ZGRF1: variants seen among roughly 807,000 people sequenced by gnomAD.
ZGRF1 encodes the protein zinc finger GRF-type containing 1, also known as 5'-3' DNA helicase ZGRF1.
In ZGRF1, 196 loss-of-function variants were observed where a neutral mutation model predicts 203.5. The ratio of observed to expected loss-of-function variants is 0.96; its 90% CI spans 0.86 to 1.08. ZGRF1 has a LOEUF of 1.08. ZGRF1 is among the 50% of genes least tolerant of loss of function. The probability of loss-of-function intolerance (pLI) is 0.00; values close to 1 mark genes in which losing one functional copy is unlikely to be tolerated. For synonymous variants in ZGRF1, 809 were observed against 841.3 expected (o/e 0.96, Z 0.66); for missense variants, 2,326 against 2,416.3 (o/e 0.96, Z 0.78).
intron 3 of ZGRF1, chr4:112,624,112 C>T (rs913308399): frequency 5.7e-5 from 18 of 313,164 alleles, no homozygotes; most frequent in African/African-American, 3.8e-4. Context: ...TCCCCTTCCA[C>T]GCTGTGGAAG....
chr4:112,548,321 T>C lies in ZGRF1; in HGVS notation c.5406A>G (p.Lys1802=), dbSNP rs1339130683. ...ACTCATCCAGCACAACTACAGGAAA[T>C]TTAAGATCATTCATGCATGGGAATG... ...ACPFPCMNDL[K]FPVVVLDECS... Residue 1802 remains lysine, a synonymous_variant, in exon 23 of 28, where the codon AAA becomes AAG. Coordinates refer to ENST00000505019, the MANE Select transcript of ZGRF1 (RefSeq NM_018392.5). The C allele has an allele frequency of 6.4e-7, 1 of 1,553,870 alleles. No homozygotes were observed. Among genetic ancestry groups the C allele is most frequent in the East Asian group, 2.4e-5 (1 of 41,048 alleles).
At chr4:112,550,367 G>C (rs1235613002) in intron 22 of ZGRF1, among the ~76,000 whole-genome samples, 1 of 151,564 alleles carries the variant, frequency 6.6e-6, no homozygotes, top group Non-Finnish European at 1.5e-5. Context: ...AAATAAAAAA[G>C]CTTATGAAAT....
chr4:112,549,625 G>C (rs1317637126), intron 22 of ZGRF1, among the ~76,000 whole-genome samples: 2 of 152,156 alleles, frequency 1.3e-5, no homozygotes, highest in Non-Finnish European at 2.9e-5. Context: ...TGATACCGGT[G>C]TAAACAAACC....
chr4:112,593,148 A>G (rs999227064), intron 10 of ZGRF1, among the ~76,000 whole-genome samples: 1 of 152,206 alleles, frequency 6.6e-6, no homozygotes, highest in Non-Finnish European at 1.5e-5. Flanking sequence ...TTGTTATGGC[A>G]ACCCTAGCAA....
At chr4:112,563,056 G>A (rs978201287) in intron 17 of ZGRF1, 75 bp downstream of exon 17, 3 of 1,295,766 alleles carry the variant, frequency 2.3e-6, no homozygotes, top group South Asian at 3.2e-5. Flanking sequence ...CTTTTTGTTG[G>A]CTTTAATCAA....
At chr4:112,592,780 G>A (rs1439934252) in intron 10 of ZGRF1, among the ~76,000 whole-genome samples, 2 of 152,132 alleles carry the variant, frequency 1.3e-5, no homozygotes, top group East Asian at 3.9e-4. Context: ...GCTCCTCCCT[G>A]CTATGGAGAG....
At chr4:112,580,791 A>C (rs1746088047) in intron 16 of ZGRF1, among the ~76,000 whole-genome samples, 1 of 152,140 alleles carries the variant, frequency 6.6e-6, no homozygotes, top group Non-Finnish European at 1.5e-5. Context: ...GGTGCTGGAG[A>C]GGATGTGGAG....
intron 4 of ZGRF1, 122 bp from the exon 5 acceptor site, chr4:112,620,312 A>G: frequency 3.6e-6 from 2 of 563,052 alleles, no homozygotes; most frequent in Non-Finnish European, 6.0e-6. Flanking sequence ...CGAATAAATC[A>G]GTAACTAAAG....
intron 22 of ZGRF1, among the ~76,000 whole-genome samples, chr4:112,552,139 G>A (rs1740085123): frequency 6.6e-6 from 1 of 151,996 alleles, no homozygotes; most frequent in African/African-American, 2.4e-5. Context: ...TTAGCCGGGT[G>A]CGGTGGAATG....
intron 6 of ZGRF1, among the ~76,000 whole-genome samples, chr4:112,617,037 A>T (rs2046900317): frequency 6.6e-6 from 1 of 152,066 alleles, no homozygotes; most frequent in Non-Finnish European, 1.5e-5. Flanking sequence ...CTTGGGAGGC[A>T]GAGGTTGCAG....
At chr4:112,584,206 T>G in intron 14 of ZGRF1, 32 bp from the exon 15 acceptor site, 3 of 1,430,980 alleles carry the variant, frequency 2.1e-6, no homozygotes, top group Non-Finnish European at 2.8e-6. Context: ...CAACATTTAG[T>G]GAAAAAAATG....
chr4:112,617,311 C>T (rs2046912432), intron 6 of ZGRF1, 129 bp downstream of exon 6: 1 of 597,284 alleles, frequency 1.7e-6, no homozygotes, highest in Non-Finnish European at 2.7e-6. Flanking sequence ...ATTGGTTTTA[C>T]CAAGTACATG....
intron 24 of ZGRF1, among the ~76,000 whole-genome samples, 154 bp from the exon 25 acceptor site, chr4:112,541,422 T>A (rs539947198): frequency 4.2e-4 from 64 of 151,978 alleles, no homozygotes; most frequent in African/African-American, 1.5e-3. Flanking sequence ...AAATATTTTT[T>A]AAATTACTAA....
At chr4:112,621,951 C>T (rs978745048) in intron 4 of ZGRF1, among the ~76,000 whole-genome samples, 1 of 151,122 alleles carries the variant, frequency 6.6e-6, no homozygotes, top group African/African-American at 2.4e-5. Flanking sequence ...TGGTCTTGAA[C>T]TCCTGACCTC....
At chr4:112,550,447 A>T (rs942420106) in intron 22 of ZGRF1, among the ~76,000 whole-genome samples, 3 of 152,176 alleles carry the variant, frequency 2.0e-5, no homozygotes, top group Admixed American at 6.5e-5. Context: ...GTTTTTAAAA[A>T]TTTTCAACTT....
chr4:112,571,992 A>G (rs1744298282), intron 16 of ZGRF1, among the ~76,000 whole-genome samples: 1 of 152,210 alleles, frequency 6.6e-6, no homozygotes, highest in Non-Finnish European at 1.5e-5. Context: ...TGATTATATG[A>G]CAGAGGTAGC....
chr4:112,620,092 A>T lies in ZGRF1; in HGVS notation c.261T>A (p.Asn87Lys), dbSNP rs1312851191. 1 of 1,613,434 alleles carries T rather than the reference A, an allele frequency of 6.2e-7. No homozygotes were observed. The highest frequency in any genetic ancestry group is 1.3e-5 in the African/African-American group (1 of 75,042). Residue 87 changes from asparagine to lysine, a missense_variant, in exon 5 of 28, where the codon AAT (asparagine) becomes AAA (lysine). Coordinates refer to ENST00000505019, the MANE Select transcript of ZGRF1 (RefSeq NM_018392.5). ...GAIGIVKQNVNKEAPELNSRT... is the reference protein window; with the variant it reads ...GAIGIVKQNVKKEAPELNSRT... Reference sequence around the variant, plus strand: ...TTGAATTTAACTCTGGTGCTTCTTTATTGACATTCTGCTTAACAATACCTA... The same window carrying T: ...TTGAATTTAACTCTGGTGCTTCTTTTTTGACATTCTGCTTAACAATACCTA...
At position 112,587,506 on chromosome 4, in the gene ZGRF1, G is replaced by A; in HGVS notation, c.3551C>T (p.Thr1184Ile). 1 of 1,613,900 alleles carries A rather than the reference G, an allele frequency of 6.2e-7. No individual in the cohort carries two copies. The highest frequency in any genetic ancestry group is 1.6e-4 in the Middle Eastern group (1 of 6,062). ...EAVSGMHFRDTSERQSDAVNE... is the reference protein window; with the variant it reads ...EAVSGMHFRDISERQSDAVNE... ...GACAGCATCACTCTGTCTTTCACTT[G>A]TGTCTCTAAAATGCATCCCAGAAAC... is the stretch of plus-strand genomic sequence containing the variant. The change falls in exon 12 of 28, where the codon ACA becomes ATA. Residue 1184 changes from threonine (T) to isoleucine (I), a missense_variant. Physicochemically the swap from Thr to Ile is moderately conservative, Grantham distance 89. Coordinates refer to ENST00000505019, the MANE Select transcript of ZGRF1 (RefSeq NM_018392.5).
At chr4:112,546,352 CTG>C (rs1738765442) in intron 24 of ZGRF1, among the ~76,000 whole-genome samples, 1 of 152,224 alleles carries the variant, frequency 6.6e-6, no homozygotes, top group South Asian at 2.1e-4. Flanking sequence ...ACACAAGAAA[CTG>C]TGAATGTACT....
Sources: allele counts gnomAD v4.1 joint callset (sites outside exome capture counted in the v4.1 genomes callset), GRCh38; gene constraint gnomAD v4.1.1; transcripts MANE v1.5; gene names NCBI Gene and HGNC (gene_info 2026-07-23, HGNC 2026-07-21).